SLC26A6: variants seen among roughly 807,000 people sequenced by gnomAD.
SLC26A6 encodes the protein anion exchange transporter.
In SLC26A6, 67 loss-of-function variants were observed where a neutral mutation model predicts 87.1. The ratio of observed to expected loss-of-function variants is 0.77; its 90% CI spans 0.63 to 0.94. The LOEUF (loss-of-function observed/expected upper bound fraction) is 0.94, where lower values mean the gene tolerates loss of function less well. Among genes scored for constraint, SLC26A6 ranks in the 40% least tolerant of loss-of-function variants. SLC26A6 has a pLI of 0.00. For missense variants in SLC26A6, 902 were observed against 973.0 expected (o/e 0.93, Z 0.97); for synonymous variants, 414 against 405.9 (o/e 1.02, Z -0.24).
Position 48,628,703 on chromosome 3 carries a change from G to A in SLC26A6, c.1611C>T (p.Val537=). The change falls in exon 15 of 21, where the codon GTC becomes GTT. Residue 537 remains valine (V), a synonymous_variant. Coordinates refer to ENST00000395550, the MANE Select transcript of SLC26A6 (RefSeq NM_022911.3). This position sits in a 1 kb window ranked among gnomAD's most constrained non-coding sequence, Gnocchi z 4.4. The part of the protein sequence containing the change: ...DVAEYSEAKE[V]RGVKVFRSSA... ...AGGAGCGGAAGACCTTCACCCCCCGGACTTCCTTGGCCTGGGGATGAGGCA... is the reference window on the plus strand; with the variant it reads ...AGGAGCGGAAGACCTTCACCCCCCGAACTTCCTTGGCCTGGGGATGAGGCA... 1 of 1,613,324 alleles carries A rather than the reference G, an allele frequency of 6.2e-7. No individual in the cohort carries two copies. Among genetic ancestry groups the A allele is most frequent in the South Asian group, 1.1e-5 (1 of 91,064 alleles).
Position 48,628,827 on chromosome 3 carries a change from G to C in SLC26A6, c.1600-113C>G. The C allele has an allele frequency of 1.6e-6, 2 of 1,247,810 alleles. No individual in the cohort carries two copies. The highest frequency in any genetic ancestry group is 1.1e-6 in the Non-Finnish European group (1 of 881,750). 77.3% of individuals were successfully genotyped at this position (1,247,810 alleles called of 1,614,324 possible). The stretch of plus-strand genomic sequence containing the variant: ...AGTGCCTGCCACCGCCCAGCCCTCT[G>C]CTCCCCAGGCTGCAGTCCAGGCCCT... On this transcript the variant is annotated intron_variant, in intron 14 of 20. Coordinates refer to ENST00000395550, the MANE Select transcript of SLC26A6 (RefSeq NM_022911.3). This position sits in a 1 kb window ranked among gnomAD's most constrained non-coding sequence, Gnocchi z 4.4.
chr3:48,626,569 C>T, intron 19 of SLC26A6, 62 bp downstream of exon 19: 4 of 1,609,670 alleles, frequency 2.5e-6, no homozygotes, highest in Non-Finnish European at 2.5e-6. Flanking sequence ...CTTGGAAAAC[C>T]CCTTGGCCAA....
rs762676963 is a variant in SLC26A6 at position 48,631,674 on chromosome 3, A to G, written c.878T>C (p.Met293Thr). Residue 293 changes from methionine to threonine, a missense_variant, in exon 7 of 21, where the codon ATG becomes ACG. Met to Thr is a moderately conservative substitution (Grantham distance 81). Transcript: ENST00000395550. Reference sequence around the variant, plus strand: ...CGTGAGCAGCTCCCCGGGTATCGGCATGGGCAGCTGCTGCTGCAGCTTGTC... The same window carrying G: ...CGTGAGCAGCTCCCCGGGTATCGGCGTGGGCAGCTGCTGCTGCAGCTTGTC... ...LNDKLQQQLP[M>T]PIPGELLTLI... 1.9e-6 allele frequency: 3 copies of G among 1,613,262 alleles called. No homozygotes were observed. Among genetic ancestry groups the G allele is most frequent in the Non-Finnish European group, 2.5e-6 (3 of 1,179,970 alleles).
At chr3:48,630,276 C>A in intron 11 of SLC26A6, 119 bp from the exon 12 acceptor site, 1 of 1,316,756 alleles carries the variant, frequency 7.6e-7, no homozygotes, top group Non-Finnish European at 1.1e-6. Context: ...ACACAAACCC[C>A]CACCCAGCCC....
rs377157327 is a variant in SLC26A6 at position 48,633,284 on chromosome 3, C to T, written c.289G>A (p.Gly97Ser). ...AGCTGCATGATGGCCACACTCAGGC[C>T]GGATAACAGGTCACCCAGGAGCCAG... ...RDWLLGDLLS[G>S]LSVAIMQLPQ... Residue 97 changes from glycine (G) to serine (S), a missense_variant, in exon 3 of 21, where the codon GGC becomes AGC. Physicochemically the swap from Gly to Ser is moderately conservative, Grantham distance 56. Coordinates refer to ENST00000395550, the MANE Select transcript of SLC26A6 (RefSeq NM_022911.3). The T allele has an allele frequency of 2.5e-6, 4 of 1,613,342 alleles. No homozygotes were observed. Among genetic ancestry groups the T allele is most frequent in the South Asian group, 2.2e-5 (2 of 91,074 alleles).
intron 18 of SLC26A6, 26 bp downstream of exon 18, chr3:48,626,850 G>C: frequency 1.2e-6 from 2 of 1,608,716 alleles, no homozygotes; most frequent in Non-Finnish European, 8.5e-7. Flanking sequence ...GAAGCTCGAG[G>C]GGCCTTGGCC....
rs756343429 is a variant in SLC26A6, at chr3:48,631,129, G to A, written c.998C>T (p.Pro333Leu). 30 of 1,613,648 alleles carry A rather than the reference G, an allele frequency of 1.9e-5. No individual in the cohort carries two copies. Among genetic ancestry groups the A allele is most frequent in the Non-Finnish European group, 2.5e-5 (29 of 1,180,006 alleles). The change falls in exon 9 of 21, where the codon CCA becomes CTA. Residue 333 changes from proline to leucine, a missense_variant. Physicochemically the swap from Pro to Leu is moderately conservative, Grantham distance 98. Coordinates refer to ENST00000395550, the MANE Select transcript of SLC26A6 (RefSeq NM_022911.3). ...VGNIPAGLVP[P>L]VAPNTQLFSK... ...GAACAGCTGGGTGTTGGGGGCCACT[G>A]GGGGCACCAGCCTGTGAGAGGTATC...
Position 48,633,019 on chromosome 3 carries a change from C to T in SLC26A6, c.388G>A (p.Val130Ile). Residue 130 changes from valine (V) to isoleucine (I), a missense_variant, in exon 4 of 21, where the codon GTC becomes ATC. Physicochemically the swap from Val to Ile is conservative, Grantham distance 29. This residue lies in a region of SLC26A6 where 800 missense variants were observed against 856.8 expected (regional missense o/e 0.93). Coordinates refer to ENST00000395550, the MANE Select transcript of SLC26A6 (RefSeq NM_022911.3). ...GTGCCAAACAGGAAGTAGATGAAGACAGGGTAGAAGGAGCTATAGAGGCCA... is the reference window on the plus strand; with the variant it reads ...GTGCCAAACAGGAAGTAGATGAAGATAGGGTAGAAGGAGCTATAGAGGCCA... The part of the protein sequence containing the change: ...VFGLYSSFYP[V>I]FIYFLFGTSR... The T allele has an allele frequency of 6.2e-7, 1 of 1,613,718 alleles. No homozygotes were observed. The highest frequency in any genetic ancestry group is 8.5e-7 in the Non-Finnish European group (1 of 1,179,946).
At position 48,632,416 on chromosome 3, in the gene SLC26A6, C is replaced by A; in HGVS notation, c.434-20G>T. 1 of 1,596,096 alleles carries A rather than the reference C, an allele frequency of 6.3e-7. No individual in the cohort carries two copies. Among genetic ancestry groups the A allele is most frequent in the Non-Finnish European group, 8.5e-7 (1 of 1,170,144 alleles). ...AGGTCCCTGTAAGGACGGCACGGGG[C>A]AGGTCTGAAGAGGAGAGGACACTGC... On this transcript the variant is annotated intron_variant, in intron 4 of 20. Coordinates refer to ENST00000395550, the MANE Select transcript of SLC26A6 (RefSeq NM_022911.3).
chr3:48,631,787 G>A lies in SLC26A6; in HGVS notation c.765C>T (p.Val255=). 1.9e-6 allele frequency: 3 copies of A among 1,613,514 alleles called. No homozygotes were observed. Among genetic ancestry groups the A allele is most frequent in the Non-Finnish European group, 2.5e-6 (3 of 1,180,010 alleles). ...CCTTGCTCTGGGGCAGCTTCCAGCA[G>A]ACCTCCAGCACTGTCTGAGGAGAGG... ...PLSLIYTVLE[V]CWKLPQSKVG... is the part of the protein sequence containing the mutation. Residue 255 remains valine (V), a synonymous_variant, in exon 7 of 21, where the codon GTC becomes GTT. Transcript: ENST00000395550.
At chr3:48,633,897 C>A (rs1024967234) in intron 1 of SLC26A6, 1 of 1,360,538 alleles carries the variant, frequency 7.4e-7, no homozygotes. Context: ...CTAGCTATAC[C>A]TCCAGCCGAG....
At position 48,632,411 on chromosome 3, in the gene SLC26A6, C is replaced by T. The variant is rs372482815; in HGVS notation, c.434-15G>A. On this transcript the variant is annotated splice_polypyrimidine_tract_variant and intron_variant, in intron 4 of 20. Coordinates refer to ENST00000395550, the MANE Select transcript of SLC26A6 (RefSeq NM_022911.3). ...AGCAAAGGTCCCTGTAAGGACGGCACGGGGCAGGTCTGAAGAGGAGAGGAC... is the reference window on the plus strand; with the variant it reads ...AGCAAAGGTCCCTGTAAGGACGGCATGGGGCAGGTCTGAAGAGGAGAGGAC... 200 of 1,596,630 alleles carry T rather than the reference C, an allele frequency of 1.3e-4. No homozygotes were observed. Among genetic ancestry groups the T allele is most frequent in the Non-Finnish European group, 1.6e-4 (188 of 1,170,398 alleles).
intron 17 of SLC26A6, 169 bp downstream of exon 17, chr3:48,627,777 T>G (rs1186814410): frequency 1.8e-6 from 1 of 563,012 alleles, no homozygotes; most frequent in Non-Finnish European, 3.0e-6. Flanking sequence ...CTGTGGCATA[T>G]CACGACGCTC....
chr3:48,627,184 G>T, intron 17 of SLC26A6, 129 bp from the exon 18 acceptor site: 1 of 1,119,414 alleles, frequency 8.9e-7, no homozygotes. Flanking sequence ...ACACAAACAT[G>T]CGGGAGTCAC....
rs1315920446 is a variant in SLC26A6 at position 48,633,068 on chromosome 3, G to A, written c.339C>T (p.Leu113=). 2.5e-6 allele frequency: 4 copies of A among 1,612,836 alleles called. No individual in the cohort carries two copies. In the East Asian group the frequency reaches 8.9e-5, roughly 36 times the overall value. Residue 113 remains leucine, a synonymous_variant, in exon 4 of 21, where the codon CTC becomes CTT. Transcript: ENST00000395550. ...MQLPQGLAYA[L]LAGLPPVFGL... is the part of the protein sequence containing the mutation. The stretch of plus-strand genomic sequence containing the variant: ...CAAACACGGGGGGCAATCCAGCCAG[G>A]AGGGCGTAGGCCAAGCCTAGGGGTA...
intron 17 of SLC26A6, chr3:48,627,701 G>A (rs539318222): frequency 2.8e-5 from 11 of 392,130 alleles, no homozygotes; most frequent in Non-Finnish European, 4.5e-5. Context: ...GCAGACTCTG[G>A]GGGAAGTCTT....
rs765141098 is a variant in SLC26A6 at position 48,628,669 on chromosome 3, C to T, written c.1645G>A (p.Val549Met). ...GVKVFRSSAT[V>M]YFANAEFYSD... Reference sequence around the variant, plus strand: ...TAGAACTCAGCATTGGCAAAGTACACGGTGGCCGAGGAGCGGAAGACCTTC... The same window carrying T: ...TAGAACTCAGCATTGGCAAAGTACATGGTGGCCGAGGAGCGGAAGACCTTC... Residue 549 changes from valine to methionine, a missense_variant, in exon 15 of 21, where the codon GTG becomes ATG. Val to Met is a conservative substitution (Grantham distance 21). Transcript: ENST00000395550. This position sits in a 1 kb window ranked among gnomAD's most constrained non-coding sequence, Gnocchi z 4.4. 2.6e-5 allele frequency: 42 copies of T among 1,613,468 alleles called. No individual in the cohort carries two copies. The East Asian group carries it at 4.2e-4, about 16-fold the overall frequency.
rs566798309 is a variant in SLC26A6, at chr3:48,628,297, C to A, written c.1800+137G>T. On this transcript the variant is annotated intron_variant, in intron 16 of 20. Coordinates refer to ENST00000395550, the MANE Select transcript of SLC26A6 (RefSeq NM_022911.3). The surrounding 1 kb of genome is among the most constrained non-coding windows in gnomAD (Gnocchi z 4.4). ...GCCCGGACCTGCTAGGGGAGTGAAGCAGGGTCCCTGGGAGCATGAGGGAGA... is the reference window on the plus strand; with the variant it reads ...GCCCGGACCTGCTAGGGGAGTGAAGAAGGGTCCCTGGGAGCATGAGGGAGA... 8.3e-6 allele frequency: 10 copies of A among 1,203,110 alleles called. No homozygotes were observed. The South Asian group carries it at 1.4e-4, about 17-fold the overall frequency. 74.5% of individuals were successfully genotyped at this position (1,203,110 alleles called of 1,614,324 possible).
chr3:48,626,370 A>T lies in SLC26A6; in HGVS notation c.2129-16T>A, dbSNP rs1209859425. 6.2e-7 allele frequency: 1 copy of T among 1,613,910 alleles called. No individual in the cohort carries two copies. Among genetic ancestry groups the T allele is most frequent in the Non-Finnish European group, 8.5e-7 (1 of 1,179,962 alleles). On this transcript the variant is annotated splice_polypyrimidine_tract_variant and intron_variant, in intron 19 of 20. Transcript: ENST00000395550. ...ACCACAGGGCCTGTGGGCAAGAAGT[A>T]GGCCTCCCCTGACTCTCAGAACCTC... is the stretch of plus-strand genomic sequence containing the variant.
Sources: allele counts gnomAD v4.1 joint callset, GRCh38; gene constraint gnomAD v4.1.1; regional missense constraint gnomAD v4.1.1; non-coding constraint Gnocchi (gnomAD v3.1); transcripts MANE v1.5; gene names NCBI Gene and HGNC (gene_info 2026-07-23, HGNC 2026-07-21).